The following EVI5 variants were observed in gnomAD, a reference collection of about 807,000 sequenced individuals.
EVI5 encodes the protein ecotropic viral integration site 5, also known as ecotropic viral integration site 5 protein homolog.
EVI5 carries 73 observed loss-of-function variants against 112.0 expected under a neutral mutation model. That is an observed-to-expected ratio of 0.65 (90% confidence interval 0.54 to 0.79). The LOEUF is 0.79. Among genes scored for constraint, EVI5 ranks in the 30% least tolerant of loss-of-function variants. The pLI, the probability that EVI5 is intolerant of heterozygous loss-of-function variation, is 0.00. For missense variants in EVI5, 900 were observed against 968.8 expected (o/e 0.93, Z 0.94); for synonymous variants, 305 against 319.9 (o/e 0.95, Z 0.50).
chr1:92,583,617 A>C (rs1012730824), intron 18 of EVI5, among the ~76,000 whole-genome samples: 2 of 151,920 alleles, frequency 1.3e-5, no homozygotes, highest in Non-Finnish European at 1.5e-5. Context: ...CAGAATAGGA[A>C]TAAAATTTTT....
chr1:92,687,161 A>G (rs1668690937), intron 9 of EVI5, among the ~76,000 whole-genome samples: 2 of 152,210 alleles, frequency 1.3e-5, no homozygotes, highest in South Asian at 4.1e-4. Context: ...TACAGTAACC[A>G]AAACAGCATG....
intron 19 of EVI5, among the ~76,000 whole-genome samples, chr1:92,550,590 AC>A (rs1666633249): frequency 6.7e-6 from 1 of 148,474 alleles, no homozygotes; most frequent in Non-Finnish European, 1.5e-5. Context: ...TACTAAAAAC[AC>A]AAAAAATTAG....
At chr1:92,628,070 G>A (rs1313235004) in intron 14 of EVI5, among the ~76,000 whole-genome samples, 3 of 152,186 alleles carry the variant, frequency 2.0e-5, no homozygotes, top group Admixed American at 6.5e-5. Context: ...TTACAGGCGT[G>A]AGCCACCGCA....
At chr1:92,575,184 C>G (rs892523363) in intron 18 of EVI5, among the ~76,000 whole-genome samples, 1 of 152,166 alleles carries the variant, frequency 6.6e-6, no homozygotes, top group African/African-American at 2.4e-5. Context: ...CCCATATACC[C>G]TTCAGCTATA....
At chr1:92,591,224 G>C (rs1571753001) in intron 18 of EVI5, among the ~76,000 whole-genome samples, 1 of 152,084 alleles carries the variant, frequency 6.6e-6, no homozygotes, top group East Asian at 1.9e-4. Context: ...AAAATAACCA[G>C]CTAACATCAT....
intron 18 of EVI5, among the ~76,000 whole-genome samples, chr1:92,591,499 T>A (rs1319478017): frequency 6.6e-6 from 1 of 151,872 alleles, no homozygotes; most frequent in East Asian, 1.9e-4. Context: ...CCAACAAAGA[T>A]CAAAAGAGAC....
intron 19 of EVI5, among the ~76,000 whole-genome samples, chr1:92,514,214 T>A (rs572137339): frequency 1.7e-4 from 26 of 152,252 alleles, no homozygotes; most frequent in Admixed American, 1.6e-3. Flanking sequence ...AGTGCAGTGG[T>A]GCGATCTCGG....
intron 1 of EVI5, among the ~76,000 whole-genome samples, chr1:92,747,497 T>G (rs1679453418): frequency 6.6e-6 from 1 of 152,028 alleles, no homozygotes; most frequent in South Asian, 2.1e-4. Context: ...GTGGATCACT[T>G]GAGATCAGGA....
Position 92,512,990 on chromosome 1 carries a change from T to C in EVI5, c.*666A>G, listed in dbSNP as rs1659282074. 1 of 151,182 alleles carries C rather than the reference T, an allele frequency of 6.6e-6. No individual in the cohort carries two copies. Among genetic ancestry groups the C allele is most frequent in the Non-Finnish European group, 1.5e-5 (1 of 67,824 alleles). 9.4% of individuals were successfully genotyped at this position (151,182 alleles called of 1,614,324 possible). Reference sequence around the variant, plus strand: ...GGTGAAACCCCATCTCTACTAAAAATACAAAAAATTAGCCAGGCGTGGTGG... The same window carrying C: ...GGTGAAACCCCATCTCTACTAAAAACACAAAAAATTAGCCAGGCGTGGTGG... On this transcript the variant is annotated 3_prime_UTR_variant, in exon 20 of 20. Coordinates refer to ENST00000684568, the MANE Select transcript of EVI5 (RefSeq NM_001350197.2).
At chr1:92,786,552 A>G (rs1685655177), upstream of EVI5, among the ~76,000 whole-genome samples, 1 of 151,970 alleles carries the variant, frequency 6.6e-6, no homozygotes, top group South Asian at 2.1e-4. Context: ...GTCCTCTCCT[A>G]TTTCCTCCAT....
intron 1 of EVI5, among the ~76,000 whole-genome samples, chr1:92,790,776 G>C (rs1452550628): frequency 6.7e-6 from 1 of 148,896 alleles, no homozygotes; most frequent in African/African-American, 2.5e-5. Context: ...CTGACATCAC[G>C]CCAATGCACT....
At chr1:92,559,987 C>G (rs1330333098) in intron 19 of EVI5, among the ~76,000 whole-genome samples, 1 of 152,084 alleles carries the variant, frequency 6.6e-6, no homozygotes, top group Non-Finnish European at 1.5e-5. Context: ...AATGAGAAAT[C>G]TCTTCATAGT....
At chr1:92,636,968 T>G (rs1658972933) in intron 13 of EVI5, among the ~76,000 whole-genome samples, 1 of 152,158 alleles carries the variant, frequency 6.6e-6, no homozygotes, top group African/African-American at 2.4e-5. Flanking sequence ...TGTTATATAC[T>G]ACAGAAGACA....
intron 18 of EVI5, among the ~76,000 whole-genome samples, chr1:92,573,384 T>A (rs189389224): frequency 6.6e-6 from 1 of 152,250 alleles, no homozygotes; most frequent in East Asian, 1.9e-4. Flanking sequence ...CAAAATTCTA[T>A]GTATATGCTA....
At chr1:92,532,994 A>T (rs1663142731) in intron 19 of EVI5, among the ~76,000 whole-genome samples, 1 of 112,048 alleles carries the variant, frequency 8.9e-6, no homozygotes, top group Non-Finnish European at 1.7e-5. Flanking sequence ...CAATGAATCT[A>T]GGAACTTTTT....
chr1:92,729,690 G>A (rs928645181), intron 2 of EVI5, among the ~76,000 whole-genome samples: 1 of 152,110 alleles, frequency 6.6e-6, no homozygotes, highest in African/African-American at 2.4e-5. Context: ...ATGACTTTTA[G>A]TACCTAATAC....
At chr1:92,682,149 A>G (rs919354638) in intron 9 of EVI5, among the ~76,000 whole-genome samples, 1 of 152,004 alleles carries the variant, frequency 6.6e-6, no homozygotes, top group Admixed American at 6.6e-5. Context: ...TATCAATCAC[A>G]TTCTTGCCTC....
chr1:92,788,562 C>T (rs766576328), upstream of EVI5, among the ~76,000 whole-genome samples: 18 of 151,782 alleles, frequency 1.2e-4, no homozygotes, highest in Non-Finnish European at 2.6e-4. Context: ...TTTGGGAGGC[C>T]GAGGTGGTGG....
At chr1:92,755,405 C>T (rs747682983) in intron 1 of EVI5, among the ~76,000 whole-genome samples, 11 of 151,828 alleles carry the variant, frequency 7.2e-5, no homozygotes, top group East Asian at 1.9e-4. Context: ...AGCAAGATTC[C>T]GTCTTAAAAA....
Sources: allele counts gnomAD v4.1 joint callset (sites outside exome capture counted in the v4.1 genomes callset), GRCh38; gene constraint gnomAD v4.1.1; transcripts MANE v1.5; gene names NCBI Gene and HGNC (gene_info 2026-07-23, HGNC 2026-07-21).